The following ARMC2 variants were observed in gnomAD, a reference collection of about 807,000 sequenced individuals.
ARMC2 encodes the protein armadillo repeat-containing protein 2.
Under a neutral mutation model 90.3 loss-of-function variants are expected in ARMC2, and 67 were observed. The ratio of observed to expected loss-of-function variants is 0.74; its 90% CI spans 0.61 to 0.91. The LOEUF is 0.91. ARMC2 is among the 40% of genes least tolerant of loss of function. The pLI is 0.00. For missense variants in ARMC2, 920 were observed against 1,030.9 expected, an observed-to-expected ratio of 0.89 and a Z score of 1.47; for synonymous variants, 393 against 393.0, an observed-to-expected ratio of 1.00 and a Z score of 0.00.
intron 1 of ARMC2, among the ~76,000 whole-genome samples, chr6:108,852,636 A>G (rs1774125611): frequency 6.6e-6 from 1 of 152,166 alleles, no homozygotes; most frequent in African/African-American, 2.4e-5. Flanking sequence ...GTGAGAGTCT[A>G]TTATTACTCC....
intron 8 of ARMC2, among the ~76,000 whole-genome samples, chr6:108,906,069 A>G (rs1278066415): frequency 1.3e-5 from 2 of 152,238 alleles, no homozygotes; most frequent in Admixed American, 6.5e-5. Context: ...GAAGTTTTTT[A>G]CAACTTCTCT....
chr6:108,968,952 A>C (rs1419718910), intron 17 of ARMC2, among the ~76,000 whole-genome samples: 1 of 152,162 alleles, frequency 6.6e-6, no homozygotes, highest in East Asian at 1.9e-4. Context: ...TACTGCAGTC[A>C]TGTCTTATGA....
intron 11 of ARMC2, among the ~76,000 whole-genome samples, chr6:108,930,742 A>G (rs2768560): frequency 0.78 from 117,959 of 151,064 alleles, 46,484 homozygotes; most frequent in Admixed American, 0.85. Context: ...GACTACAGGC[A>G]CCCACACCAC....
At chr6:108,943,336 A>T (rs1776587989) in intron 12 of ARMC2, among the ~76,000 whole-genome samples, 1 of 152,202 alleles carries the variant, frequency 6.6e-6, no homozygotes, top group Non-Finnish European at 1.5e-5. Context: ...TTTCTATACA[A>T]CTGTGCTGTG....
At chr6:108,991,431 T>C in the ARMC2 span, among the ~76,000 whole-genome samples, 4 of 152,184 alleles carry the variant, frequency 2.6e-5, no homozygotes, top group South Asian at 4.1e-4. Context: ...TTTGTAGAGA[T>C]AGGGTCTTGT....
At chr6:108,991,154 C>A in the ARMC2 span, among the ~76,000 whole-genome samples, 1 of 152,186 alleles carries the variant, frequency 6.6e-6, no homozygotes, top group Non-Finnish European at 1.5e-5. Context: ...CACTCAGCCC[C>A]CCAGATGTGA....
At chr6:108,853,024 C>T (rs1420946195) in intron 1 of ARMC2, among the ~76,000 whole-genome samples, 1 of 152,096 alleles carries the variant, frequency 6.6e-6, no homozygotes, top group African/African-American at 2.4e-5. Flanking sequence ...TACTAGGCCT[C>T]TCATCATTTT....
In ARMC2 at chr6:108,964,279, G is replaced by A. The variant is rs377734728; in HGVS notation, c.2252G>A (p.Arg751His). ...LLNLTVDKDKRVILKEGGGIK... is the reference protein window; with the variant it reads ...LLNLTVDKDKHVILKEGGGIK... ...AATCTCACTGTGGATAAAGACAAGCGTGTCATCTTGAAAGAAGGAGGTGGC... is the reference window on the plus strand; with the variant it reads ...AATCTCACTGTGGATAAAGACAAGCATGTCATCTTGAAAGAAGGAGGTGGC... Residue 751 changes from arginine (R) to histidine (H), a missense_variant, in exon 16 of 18, where the codon CGT (arginine) becomes CAT (histidine). Coordinates refer to ENST00000392644, the MANE Select transcript of ARMC2 (RefSeq NM_032131.6). 3.4e-5 allele frequency: 55 copies of A among 1,613,824 alleles called. No individual in the cohort carries two copies. The highest frequency in any genetic ancestry group is 1.9e-4 in the South Asian group (17 of 91,070).
intron 12 of ARMC2, among the ~76,000 whole-genome samples, chr6:108,942,875 T>C (rs1776552232): frequency 6.6e-6 from 1 of 152,128 alleles, no homozygotes; most frequent in African/African-American, 2.4e-5. Flanking sequence ...TAATCGCGTT[T>C]TCAAAAAACA....
intron 2 of ARMC2, among the ~76,000 whole-genome samples, chr6:108,857,099 A>G (rs1182296210): frequency 6.6e-6 from 1 of 152,194 alleles, no homozygotes; most frequent in Non-Finnish European, 1.5e-5. Context: ...GTCAATGTCT[A>G]CAAAATGACT....
chr6:108,984,239 T>G, the ARMC2 span, among the ~76,000 whole-genome samples: 17 of 152,210 alleles, frequency 1.1e-4, no homozygotes, highest in African/African-American at 4.1e-4. Context: ...GACTGCTGCT[T>G]TAGTTTTCAA....
chr6:108,908,015 A>AT, intron 8 of ARMC2: 2 of 793,462 alleles, frequency 2.5e-6, no homozygotes, highest in Non-Finnish European at 3.9e-6. Context: ...TGGGAACAGA[A>AT]GGAATCTCCA....
the ARMC2 span, among the ~76,000 whole-genome samples, chr6:109,003,115 A>G: frequency 6.6e-6 from 1 of 151,566 alleles, no homozygotes; most frequent in Non-Finnish European, 1.5e-5. Context: ...TCCCTCCCTC[A>G]CCCTCCCCAT....
the ARMC2 span, among the ~76,000 whole-genome samples, chr6:108,993,557 G>A: frequency 2.5e-4 from 38 of 152,016 alleles, no homozygotes; most frequent in Non-Finnish European, 5.0e-4. Flanking sequence ...TAAGAAACTC[G>A]GTGCTCTTTC....
At chr6:108,969,902 G>A (rs941851201) in intron 17 of ARMC2, among the ~76,000 whole-genome samples, 1 of 152,162 alleles carries the variant, frequency 6.6e-6, no homozygotes, top group African/African-American at 2.4e-5. Context: ...TTAGCTGGGT[G>A]TGTGTGTTTT....
At chr6:108,866,326 A>C (rs566986275) in intron 3 of ARMC2, among the ~76,000 whole-genome samples, 2 of 152,336 alleles carry the variant, frequency 1.3e-5, no homozygotes, top group African/African-American at 4.8e-5. Flanking sequence ...ATTATTTTGC[A>C]ACAAAGTGGG....
At position 108,961,734 on chromosome 6, in the gene ARMC2, T is replaced by A. The variant is rs763103817; in HGVS notation, c.2038+40T>A. 5.2e-6 allele frequency: 8 copies of A among 1,541,066 alleles called. No homozygotes were observed. The Admixed American group carries it at 1.2e-4, about 23-fold the overall frequency. ...TGGATTTGGATAAATGAGTGCTCATTTGAAGTTTCGATTTTATTAACTAAA... is the reference window on the plus strand; with the variant it reads ...TGGATTTGGATAAATGAGTGCTCATATGAAGTTTCGATTTTATTAACTAAA... On this transcript the variant is annotated intron_variant, in intron 14 of 17. Coordinates refer to ENST00000392644, the MANE Select transcript of ARMC2 (RefSeq NM_032131.6).
the ARMC2 span, among the ~76,000 whole-genome samples, chr6:109,047,405 C>T: frequency 1.5e-3 from 206 of 135,772 alleles, no homozygotes; most frequent in African/African-American, 5.3e-3. Flanking sequence ...CGCCTCTGCC[C>T]GGCCGCCCCT....
intron 4 of ARMC2, among the ~76,000 whole-genome samples, 190 bp downstream of exon 4, chr6:108,869,185 C>T (rs1300767410): frequency 6.6e-6 from 1 of 152,092 alleles, no homozygotes; most frequent in East Asian, 1.9e-4. Flanking sequence ...TAAGGAATAC[C>T]TAAATATTAC....
Sources: gnomAD v4.1 joint callset for allele counts (sites outside exome capture counted in the v4.1 genomes callset) on GRCh38, gnomAD v4.1.1 for gene constraint, MANE v1.5 for transcripts, NCBI Gene and HGNC (gene_info 2026-07-23, HGNC 2026-07-21) for gene names.